The following PRIM2 variants were observed in gnomAD, a reference collection of about 807,000 sequenced individuals.
PRIM2 encodes DNA primase large subunit.
Under a neutral mutation model 67.3 loss-of-function variants are expected in PRIM2, and 39 were observed. The observed-to-expected ratio is 0.58, with a 90% CI of 0.45 to 0.76. PRIM2 has a LOEUF of 0.76. Among genes scored for constraint, PRIM2 ranks in the 30% least tolerant of loss-of-function variants. The pLI is 0.00. For missense variants in PRIM2, 398 were observed against 598.7 expected, an observed-to-expected ratio of 0.66 and a Z score of 3.50; for synonymous variants, 143 against 198.7, an observed-to-expected ratio of 0.72 and a Z score of 2.36.
chr6:57,271,968 T>G, the PRIM2 span, among the ~76,000 whole-genome samples: 1 of 152,226 alleles, frequency 6.6e-6, no homozygotes, highest in South Asian at 2.1e-4. Flanking sequence ...TGAGTTCTAG[T>G]TTGATTGCAC....
chr6:57,285,697 C>G, the PRIM2 span, among the ~76,000 whole-genome samples: 6 of 152,064 alleles, frequency 3.9e-5, no homozygotes, highest in Non-Finnish European at 5.9e-5. Context: ...TGAAAACTGT[C>G]ACAAGAACAG....
intron 7 of PRIM2, among the ~76,000 whole-genome samples, chr6:57,388,371 T>A (rs555847887): frequency 6.6e-6 from 1 of 152,308 alleles, no homozygotes; most frequent in East Asian, 1.9e-4. Flanking sequence ...GTGATATGAC[T>A]GACAGAAGTC....
At chr6:57,613,297 G>C (rs1307553218) in intron 12 of PRIM2, among the ~76,000 whole-genome samples, 4 of 152,178 alleles carry the variant, frequency 2.6e-5, no homozygotes, top group African/African-American at 4.8e-5. Flanking sequence ...AACTAACCAA[G>C]CAGTGGGAAG....
At chr6:57,347,642 C>T (rs1768723183) in intron 5 of PRIM2, among the ~76,000 whole-genome samples, 1 of 152,112 alleles carries the variant, frequency 6.6e-6, no homozygotes, top group Non-Finnish European at 1.5e-5. Flanking sequence ...TAAGTTCTTA[C>T]TGTGTTGCCT....
intron 5 of PRIM2, among the ~76,000 whole-genome samples, chr6:57,339,293 C>T (rs373408935): frequency 1.3e-5 from 2 of 152,078 alleles, no homozygotes; most frequent in Admixed American, 6.6e-5. Flanking sequence ...AGGTAATTTA[C>T]AGATTCAATG....
chr6:57,380,084 G>C (rs1769905074), intron 6 of PRIM2, 88 bp downstream of exon 6: 17 of 1,073,216 alleles, frequency 1.6e-5, no homozygotes, highest in Non-Finnish European at 2.1e-5. Flanking sequence ...CATTTTTATA[G>C]CCTCTCATCA....
At chr6:57,251,948 C>T in the PRIM2 span, among the ~76,000 whole-genome samples, 1 of 152,180 alleles carries the variant, frequency 6.6e-6, no homozygotes, top group African/African-American at 2.4e-5. Flanking sequence ...TTCTGAATTC[C>T]TGCATGGCTT....
rs1189053265 is a variant in PRIM2, at chr6:57,569,431, AT to A, written c.1021-31656del. 2.0e-3 allele frequency among the ~76,000 whole-genome samples: 308 copies of A among 152,334 alleles called. 1 individual carries two copies. Among genetic ancestry groups the A allele is most frequent in the African/African-American group, 7.2e-3 (298 of 41,580 alleles). ...TTGTGAAGAGCATAATTTTCTAATA[AT>A]TTTTTAAGTAATTGGATTAGTTAAA... is the stretch of plus-strand genomic sequence containing the variant. On this transcript the variant is annotated intron_variant, in intron 10 of 13. Coordinates refer to ENST00000615550, the MANE Select transcript of PRIM2 (RefSeq NM_000947.5).
At chr6:57,268,267 T>C in the PRIM2 span, among the ~76,000 whole-genome samples, 1 of 152,148 alleles carries the variant, frequency 6.6e-6, no homozygotes, top group Non-Finnish European at 1.5e-5. Flanking sequence ...GCCCACCAGG[T>C]GGTGCTCCAA....
chr6:57,345,476 G>A (rs62415776), intron 5 of PRIM2, among the ~76,000 whole-genome samples: 92 of 76,764 alleles, frequency 1.2e-3, no homozygotes, highest in African/African-American at 3.7e-3. Flanking sequence ...ATATATATAT[G>A]TGTGTGTGTG....
intron 11 of PRIM2, 104 bp downstream of exon 11, chr6:57,601,323 G>A: frequency 7.9e-7 from 1 of 1,264,318 alleles, no homozygotes; most frequent in Non-Finnish European, 1.1e-6. Flanking sequence ...TCAGGACCTA[G>A]TTTGTATCTT....
At chr6:57,618,070 T>G (rs1776785556) in intron 12 of PRIM2, among the ~76,000 whole-genome samples, 1 of 152,228 alleles carries the variant, frequency 6.6e-6, no homozygotes, top group Non-Finnish European at 1.5e-5. Context: ...TTCTGGAATC[T>G]CAATTTCTAC....
Position 57,416,793 on chromosome 6 carries a change from AG to A in PRIM2, c.693+34626del, listed in dbSNP as rs1235724350. ...TAAACCTCATGGACCCATCTCTGCT[AG>A]CCTCCAACTTTTCTTCTGCAGCTTC... On this transcript the variant is annotated intron_variant, in intron 7 of 13. Transcript: ENST00000615550. 7.9e-5 allele frequency among the ~76,000 whole-genome samples: 12 copies of A among 152,244 alleles called. No homozygotes were observed. The East Asian group carries it at 2.3e-3, about 29-fold the overall frequency.
chr6:57,325,969 T>C lies in PRIM2; in HGVS notation c.383T>C (p.Leu128Pro). ...TTCATTCAACAAGAAATGGATCTCC[T>C]TCGATTTAGATTTAGTATTTTACCC... Reference protein sequence around the residue: ...RWFIQQEMDLLRFRFSILPKD... With the variant: ...RWFIQQEMDLPRFRFSILPKD... Residue 128 changes from leucine to proline, a missense_variant, in exon 5 of 14, where the codon CTT becomes CCT. Transcript: ENST00000615550. 1.9e-6 allele frequency: 3 copies of C among 1,611,496 alleles called. No homozygotes were observed. The highest frequency in any genetic ancestry group is 1.7e-6 in the Non-Finnish European group (2 of 1,179,286).
chr6:57,503,982 A>G (rs1414209815), intron 7 of PRIM2, among the ~76,000 whole-genome samples: 158 of 152,326 alleles, frequency 1.0e-3, no homozygotes, highest in South Asian at 8.5e-3. Flanking sequence ...TCTGTGAGGT[A>G]AAGTGAATCT....
At chr6:57,288,570 G>A in the PRIM2 span, among the ~76,000 whole-genome samples, 1 of 152,076 alleles carries the variant, frequency 6.6e-6, no homozygotes, top group African/African-American at 2.4e-5. Context: ...ATAGAGACAG[G>A]GGGCCCCTCT....
the PRIM2 span, among the ~76,000 whole-genome samples, chr6:57,229,353 T>G: frequency 6.6e-6 from 1 of 152,202 alleles, no homozygotes; most frequent in Admixed American, 6.5e-5. Flanking sequence ...TTACCTGAGT[T>G]TATAATCTCA....
rs1287949513 is a variant in PRIM2, at chr6:57,508,343, C to T, written c.761+889C>T. ...TTTTATAAATATTGTAATATTTTTT[C>T]CCTTAGTATTAAAATCTGTCTAAAA... On this transcript the variant is annotated intron_variant, in intron 8 of 13. Coordinates refer to ENST00000615550, the MANE Select transcript of PRIM2 (RefSeq NM_000947.5). 1.3e-3 allele frequency among the ~76,000 whole-genome samples: 191 copies of T among 151,646 alleles called. 5 individuals are homozygous for T. The East Asian group carries it at 0.016, about 13-fold the overall frequency.
At chr6:57,460,651 C>T (rs1772975273) in intron 7 of PRIM2, among the ~76,000 whole-genome samples, 1 of 149,074 alleles carries the variant, frequency 6.7e-6, no homozygotes, top group African/African-American at 2.5e-5. Flanking sequence ...ATTGAACTTT[C>T]AGGTTGACCA....
Sources: allele counts gnomAD v4.1 joint callset (sites outside exome capture counted in the v4.1 genomes callset), GRCh38; gene constraint gnomAD v4.1.1; transcripts MANE v1.5; gene names NCBI Gene and HGNC (gene_info 2026-07-23, HGNC 2026-07-21).